ATF2: variants seen among roughly 807,000 people sequenced by gnomAD.
ATF2 encodes activating transcription factor 2.
A neutral mutation model predicts 60.6 loss-of-function variants in ATF2; 24 were observed. The observed-to-expected ratio is 0.40, with a 90% CI of 0.29 to 0.56. The LOEUF (loss-of-function observed/expected upper bound fraction) is 0.56, where lower values mean the gene tolerates loss of function less well. ATF2 is among the 20% of genes least tolerant of loss of function. ATF2 has a pLI of 0.54. For synonymous variants in ATF2, 206 were observed against 215.4 expected (o/e 0.96, Z 0.38); for missense variants, 433 against 607.7 (o/e 0.71, Z 3.02).
At chr2:175,132,454 T>C (rs1003823795) in intron 3 of ATF2, among the ~76,000 whole-genome samples, 8 of 152,232 alleles carry the variant, frequency 5.3e-5, no homozygotes, top group Non-Finnish European at 1.0e-4. Context: ...TTTTTTCTCT[T>C]ATTGTTTTAA....
intron 10 of ATF2, 106 bp downstream of exon 10, chr2:175,111,462 C>T (rs1696183683): frequency 9.3e-7 from 1 of 1,070,914 alleles, no homozygotes; most frequent in Non-Finnish European, 1.3e-6. Context: ...CAGTCCGTAA[C>T]TTTATAAAAA....
intron 2 of ATF2, among the ~76,000 whole-genome samples, chr2:175,149,532 AAAAT>A (rs1396150587): frequency 1.2e-4 from 18 of 152,314 alleles, no homozygotes; most frequent in African/African-American, 4.1e-4. Flanking sequence ...AAAAATGACA[AAAAT>A]AAGAGGTAAA....
At chr2:175,107,568 C>T (rs984057876) in intron 10 of ATF2, among the ~76,000 whole-genome samples, 2 of 149,414 alleles carry the variant, frequency 1.3e-5, no homozygotes, top group African/African-American at 2.5e-5. Flanking sequence ...CTCCCTCTCC[C>T]CATGGTCTCC....
intron 3 of ATF2, among the ~76,000 whole-genome samples, chr2:175,136,073 T>C (rs1381082452): frequency 6.8e-6 from 1 of 146,268 alleles, no homozygotes; most frequent in Non-Finnish European, 1.5e-5. Flanking sequence ...TAATGTAAAA[T>C]GACTAGGGGA....
chr2:175,144,326 C>T (rs1476304059), intron 2 of ATF2, among the ~76,000 whole-genome samples: 1 of 152,074 alleles, frequency 6.6e-6, no homozygotes, highest in Non-Finnish European at 1.5e-5. Flanking sequence ...TTACGACTAA[C>T]AACTATACAG....
At chr2:175,137,301 G>A (rs1208316141) in intron 2 of ATF2, among the ~76,000 whole-genome samples, 1 of 152,114 alleles carries the variant, frequency 6.6e-6, no homozygotes, top group Admixed American at 6.6e-5. Context: ...TTTTATCTGA[G>A]AGGGTTCCAT....
At chr2:175,134,445 A>C (rs1479092850) in intron 3 of ATF2, among the ~76,000 whole-genome samples, 1 of 152,090 alleles carries the variant, frequency 6.6e-6, no homozygotes, top group African/African-American at 2.4e-5. Flanking sequence ...TAAGAGATTG[A>C]AAGAAAAGCC....
At position 175,114,658 on chromosome 2, in the gene ATF2, T is replaced by C. The variant is rs552751289; in HGVS notation, c.626+32A>G. 23 of 1,598,214 alleles carry C rather than the reference T, an allele frequency of 1.4e-5. No individual in the cohort carries two copies. The East Asian group carries it at 2.9e-4, about 20-fold the overall frequency. ...CATTACAAAACAAACTTAATTCATG[T>C]ATATGTTCAATGATTGGCCTGAATC... On this transcript the variant is annotated intron_variant, in intron 8 of 13. Coordinates refer to ENST00000264110, the MANE Select transcript of ATF2 (RefSeq NM_001880.4).
intron 1 of ATF2, among the ~76,000 whole-genome samples, chr2:175,153,985 C>T (rs187236296): frequency 0.016 from 2,459 of 151,580 alleles, 26 homozygotes; most frequent in Non-Finnish European, 0.023. Flanking sequence ...TTTGGGAAAC[C>T]GAGGTGGGCG....
chr2:175,097,559 G>A lies in ATF2; in HGVS notation c.863C>T (p.Pro288Leu). Residue 288 changes from proline to leucine, a missense_variant, in exon 11 of 14, where the codon CCA (proline) becomes CTA (leucine). Coordinates refer to ENST00000264110, the MANE Select transcript of ATF2 (RefSeq NM_001880.4). ...LKAALTQQHP[P>L]VTNGDTVKGH... ...TTTGACAGTATCACCATTGGTAACT[G>A]GAGGATGTTGCTGGGTCAAAGCAGC... is the stretch of plus-strand genomic sequence containing the variant. 2 of 1,614,044 alleles carry A rather than the reference G, an allele frequency of 1.2e-6. No homozygotes were observed. The highest frequency in any genetic ancestry group is 2.2e-5 in the East Asian group (1 of 44,878).
chr2:175,138,122 T>C (rs1260104253), intron 2 of ATF2, among the ~76,000 whole-genome samples: 1 of 152,208 alleles, frequency 6.6e-6, no homozygotes, highest in Admixed American at 6.5e-5. Context: ...AACTACAATC[T>C]ATACTGGTAG....
intron 1 of ATF2, among the ~76,000 whole-genome samples, chr2:175,160,407 G>T (rs1378297712): frequency 6.6e-6 from 1 of 152,064 alleles, no homozygotes; most frequent in Non-Finnish European, 1.5e-5. Context: ...TAAGACTATG[G>T]ATTATGTACT....
chr2:175,137,407 T>C (rs1317908702), intron 2 of ATF2, among the ~76,000 whole-genome samples: 1 of 152,134 alleles, frequency 6.6e-6, no homozygotes, highest in Non-Finnish European at 1.5e-5. Context: ...CATGCTTCTG[T>C]CATTACAAGT....
chr2:175,097,617 ATTTTT>A (rs763701597), intron 10 of ATF2, 24 bp from the exon 11 acceptor site: 1 of 1,610,666 alleles, frequency 6.2e-7, no homozygotes, highest in Non-Finnish European at 8.5e-7. Flanking sequence ...ACCATTAAAA[ATTTTT>A]TTTAAGTCCT....
At chr2:175,156,720 C>A (rs1699711260) in intron 1 of ATF2, among the ~76,000 whole-genome samples, 2 of 152,180 alleles carry the variant, frequency 1.3e-5, no homozygotes, top group Non-Finnish European at 2.9e-5. Flanking sequence ...CCTAGAGACT[C>A]CAAAAAGGAA....
intron 3 of ATF2, among the ~76,000 whole-genome samples, chr2:175,131,537 C>T (rs916238853): frequency 6.6e-6 from 1 of 152,198 alleles, no homozygotes; most frequent in Non-Finnish European, 1.5e-5. Context: ...TTTTGACCTA[C>T]ACAATCTGTG....
At chr2:175,145,160 G>A (rs906304974) in intron 2 of ATF2, among the ~76,000 whole-genome samples, 10 of 152,136 alleles carry the variant, frequency 6.6e-5, no homozygotes, top group African/African-American at 2.4e-4. Flanking sequence ...TGTGTCCACT[G>A]AGAGGGCCTG....
At chr2:175,100,376 CTA>C (rs1203772610) in intron 10 of ATF2, among the ~76,000 whole-genome samples, 1 of 152,118 alleles carries the variant, frequency 6.6e-6, no homozygotes, top group Non-Finnish European at 1.5e-5. Flanking sequence ...AGGATAGTTC[CTA>C]TGTTTCTGAA....
At chr2:175,079,403 ATGT>A (rs960656953) in intron 13 of ATF2, among the ~76,000 whole-genome samples, 2 of 152,146 alleles carry the variant, frequency 1.3e-5, no homozygotes, top group Non-Finnish European at 2.9e-5. Context: ...ATAGGAAATT[ATGT>A]TGTTAAGTCA....
Sources: gnomAD v4.1 joint callset for allele counts (sites outside exome capture counted in the v4.1 genomes callset) on GRCh38, gnomAD v4.1.1 for gene constraint, MANE v1.5 for transcripts, NCBI Gene and HGNC (gene_info 2026-07-23, HGNC 2026-07-21) for gene names.